Variants in SDK1 observed in about 807,000 individuals in gnomAD.
The protein encoded by SDK1 is protein sidekick-1.
A neutral mutation model predicts 245.5 loss-of-function variants in SDK1; 157 were observed. The observed-to-expected ratio is 0.64, with a 90% CI of 0.56 to 0.73. The LOEUF (loss-of-function observed/expected upper bound fraction) is 0.73, where lower values mean the gene tolerates loss of function less well. SDK1 is among the 30% of genes least tolerant of loss of function. The probability of loss-of-function intolerance (pLI) is 0.00; values close to 1 mark genes in which losing one functional copy is unlikely to be tolerated. For missense variants in SDK1, 3,583 were observed against 3,002.3 expected (o/e 1.19, Z -4.52); for synonymous variants, 1,647 against 1,278.5 (o/e 1.29, Z -6.15).
intron 38 of SDK1, among the ~76,000 whole-genome samples, chr7:4,213,451 G>A (rs539163599): frequency 4.6e-5 from 7 of 152,134 alleles, no homozygotes; most frequent in African/African-American, 1.4e-4. Flanking sequence ...TGGGCATGGT[G>A]GCATGTGCCT....
At chr7:3,883,175 C>A (rs535729263) in intron 5 of SDK1, among the ~76,000 whole-genome samples, 2 of 152,264 alleles carry the variant, frequency 1.3e-5, no homozygotes, top group African/African-American at 4.8e-5. Flanking sequence ...GGCCAGTGGG[C>A]AGGACCCCAC....
intron 1 of SDK1, among the ~76,000 whole-genome samples, chr7:3,458,426 CCTT>C (rs1780733852): frequency 1.3e-5 from 2 of 152,068 alleles, no homozygotes; most frequent in Non-Finnish European, 2.9e-5. Flanking sequence ...TAAATGAACT[CCTT>C]CTATGTGGCT....
intron 17 of SDK1, among the ~76,000 whole-genome samples, chr7:4,031,356 A>G (rs1214374385): frequency 2.0e-5 from 3 of 152,226 alleles, no homozygotes; most frequent in African/African-American, 7.2e-5. Context: ...GTAATCTTTT[A>G]TCACAGAATT....
At chr7:3,513,142 A>G (rs950070839) in intron 1 of SDK1, among the ~76,000 whole-genome samples, 1 of 152,168 alleles carries the variant, frequency 6.6e-6, no homozygotes, top group Non-Finnish European at 1.5e-5. Context: ...GCTAACAGTT[A>G]CTGAGCTCTA....
chr7:3,906,947 C>T (rs1162522157), intron 5 of SDK1, among the ~76,000 whole-genome samples: 2 of 152,020 alleles, frequency 1.3e-5, no homozygotes, highest in African/African-American at 2.4e-5. Flanking sequence ...CTTTTTTGAT[C>T]TCCTTTCTAG....
intron 5 of SDK1, among the ~76,000 whole-genome samples, chr7:3,912,081 G>A (rs972316168): frequency 2.6e-5 from 4 of 152,134 alleles, no homozygotes; most frequent in Non-Finnish European, 2.9e-5. Flanking sequence ...AGGAAGTCTG[G>A]GAAACAAACC....
intron 4 of SDK1, among the ~76,000 whole-genome samples, chr7:3,782,518 G>A (rs1780777409): frequency 6.6e-6 from 1 of 152,092 alleles, no homozygotes; most frequent in African/African-American, 2.4e-5. Context: ...AAGGCACATA[G>A]TAATACAATT....
At chr7:3,977,434 C>T (rs116658725) in intron 13 of SDK1, among the ~76,000 whole-genome samples, 1 of 152,094 alleles carries the variant, frequency 6.6e-6, no homozygotes. Context: ...CACAGAGGGT[C>T]CTCCAGCTTT....
At chr7:3,547,191 T>C (rs1214767862) in intron 1 of SDK1, among the ~76,000 whole-genome samples, 1 of 152,162 alleles carries the variant, frequency 6.6e-6, no homozygotes, top group East Asian at 1.9e-4. Flanking sequence ...TTGTAAGTAA[T>C]ATATTAACAT....
intron 1 of SDK1, among the ~76,000 whole-genome samples, chr7:3,360,619 G>A (rs1359960876): frequency 1.3e-5 from 2 of 152,156 alleles, no homozygotes; most frequent in African/African-American, 4.8e-5. Flanking sequence ...ATTTTCTTAG[G>A]AATATATGAC....
intron 29 of SDK1, 83 bp downstream of exon 29, chr7:4,145,999 C>T (rs1779947909): frequency 3.9e-6 from 5 of 1,270,070 alleles, no homozygotes; most frequent in Non-Finnish European, 5.5e-6. Flanking sequence ...CTGCGGGGTA[C>T]CTGGGAGGCT....
At chr7:4,155,523 G>C (rs1290763724) in intron 30 of SDK1, among the ~76,000 whole-genome samples, 4 of 152,236 alleles carry the variant, frequency 2.6e-5, no homozygotes, top group Non-Finnish European at 4.4e-5. Context: ...TCATAGCAAA[G>C]TGTGAAGTAC....
Position 4,121,102 on chromosome 7 carries a change from T to C in SDK1, c.3824-6279T>C, listed in dbSNP as rs192943728. Among the ~76,000 whole-genome samples, 29 of 152,336 alleles carry C rather than the reference T, an allele frequency of 1.9e-4. No individual in the cohort carries two copies. The South Asian group carries it at 3.7e-3, about 20-fold the overall frequency. ...CAGGGTTTTTCTTCTGACTTTGTTTTTTTTCAGACAATCTTGTATCATCTT... is the reference window on the plus strand; with the variant it reads ...CAGGGTTTTTCTTCTGACTTTGTTTCTTTTCAGACAATCTTGTATCATCTT... On this transcript the variant is annotated intron_variant, in intron 25 of 44. Coordinates refer to ENST00000404826, the MANE Select transcript of SDK1 (RefSeq NM_152744.4).
At chr7:3,725,429 T>A (rs1778979459) in intron 4 of SDK1, among the ~76,000 whole-genome samples, 3 of 152,254 alleles carry the variant, frequency 2.0e-5, no homozygotes, top group Admixed American at 6.5e-5. Context: ...ATCAGAACAT[T>A]GTGTAGGTTT....
chr7:4,109,957 A>T (rs1783228577), intron 22 of SDK1, among the ~76,000 whole-genome samples: 1 of 152,156 alleles, frequency 6.6e-6, no homozygotes, highest in African/African-American at 2.4e-5. Flanking sequence ...TCGGGAGAGG[A>T]AGAAGCTGGG....
At chr7:3,322,241 A>G (rs1345939810) in intron 1 of SDK1, among the ~76,000 whole-genome samples, 3 of 152,162 alleles carry the variant, frequency 2.0e-5, no homozygotes, top group Admixed American at 6.5e-5. Flanking sequence ...ATATACAGGA[A>G]TAAGACTTTG....
intron 25 of SDK1, among the ~76,000 whole-genome samples, chr7:4,126,585 G>T (rs1337103087): frequency 6.6e-6 from 1 of 152,204 alleles, no homozygotes; most frequent in Non-Finnish European, 1.5e-5. Context: ...GCCAGGCGTG[G>T]TGGCACATGC....
At chr7:4,229,707 C>T (rs190350530) in intron 40 of SDK1, among the ~76,000 whole-genome samples, 138 of 152,208 alleles carry the variant, frequency 9.1e-4, no homozygotes, top group African/African-American at 3.1e-3. Flanking sequence ...TTTCTTAGTC[C>T]CTTAATTTCA....
chr7:3,954,967 T>A (rs1781141204), intron 7 of SDK1, among the ~76,000 whole-genome samples: 1 of 152,078 alleles, frequency 6.6e-6, no homozygotes, highest in Non-Finnish European at 1.5e-5. Flanking sequence ...ACCATTTTTT[T>A]TTTCCTTGGG....
Sources: gnomAD v4.1 joint callset for allele counts (sites outside exome capture counted in the v4.1 genomes callset) on GRCh38, gnomAD v4.1.1 for gene constraint, MANE v1.5 for transcripts, NCBI Gene and HGNC (gene_info 2026-07-23, HGNC 2026-07-21) for gene names.